The following PLD5 variants were observed in gnomAD, a reference collection of about 807,000 sequenced individuals.
PLD5 encodes the protein phospholipase D family member 5, also known as inactive phospholipase D5.
A neutral mutation model predicts 61.1 loss-of-function variants in PLD5; 36 were observed. The ratio of observed to expected loss-of-function variants is 0.59; its 90% CI spans 0.45 to 0.78. The LOEUF is 0.78. PLD5 is among the 30% of genes least tolerant of loss of function. PLD5 has a pLI of 0.00. For missense variants in PLD5, 515 were observed against 644.4 expected (o/e 0.80, Z 2.17); for synonymous variants, 243 against 242.8 (o/e 1.00, Z -0.01).
At position 242,207,902 on chromosome 1, in the gene PLD5, A is replaced by ATT. The variant is rs1553324950; in HGVS notation, c.735+12084_735+12085dup. Among the ~76,000 whole-genome samples, 28 of 21,076 alleles carry ATT rather than the reference A, an allele frequency of 1.3e-3. 4 individuals carry two copies. Among genetic ancestry groups the ATT allele is most frequent in the African/African-American group, 5.0e-3 (20 of 3,984 alleles). 13.8% of individuals were successfully genotyped at this position (21,076 alleles called of 152,430 possible). ...TTTATATATTTATATATATTTATAT[A>ATT]TTTATATATATTTATATATTTATAT... On this transcript the variant is annotated intron_variant, in intron 5 of 9. Transcript: ENST00000536534.
intron 4 of PLD5, among the ~76,000 whole-genome samples, chr1:242,241,709 G>C (rs563970914): frequency 1.6e-4 from 24 of 151,560 alleles, no homozygotes; most frequent in African/African-American, 5.1e-4. Context: ...TGAGGTACAG[G>C]CTTCTCCATC....
chr1:242,397,235 C>G (rs576996906), intron 1 of PLD5, among the ~76,000 whole-genome samples: 1 of 152,090 alleles, frequency 6.6e-6, no homozygotes, highest in African/African-American at 2.4e-5. Flanking sequence ...AAATGGGTAT[C>G]TACTAGACAC....
intron 1 of PLD5, among the ~76,000 whole-genome samples, chr1:242,488,679 C>T (rs1460142140): frequency 6.6e-6 from 1 of 152,082 alleles, no homozygotes; most frequent in Non-Finnish European, 1.5e-5. Flanking sequence ...ACATATTTGC[C>T]AAAACCCATG....
chr1:242,492,361 AAAT>A (rs1386341144), intron 1 of PLD5, among the ~76,000 whole-genome samples: 1 of 151,794 alleles, frequency 6.6e-6, no homozygotes, highest in Non-Finnish European at 1.5e-5. Flanking sequence ...AAAAAAAAAC[AAAT>A]ACTAAAAATT....
chr1:242,300,744 TTG>T (rs1675989436), intron 2 of PLD5, among the ~76,000 whole-genome samples: 1 of 4,826 alleles, frequency 2.1e-4, no homozygotes, highest in Non-Finnish European at 9.1e-4. Flanking sequence ...CAGAAATGGG[TTG>T]CAGCGGGACA....
chr1:242,289,721 C>T (rs1397851780), intron 2 of PLD5, among the ~76,000 whole-genome samples: 1 of 152,122 alleles, frequency 6.6e-6, no homozygotes, highest in Non-Finnish European at 1.5e-5. Flanking sequence ...TCCAGAACAC[C>T]GATTTGCATT....
intron 4 of PLD5, among the ~76,000 whole-genome samples, chr1:242,238,740 A>G (rs1671803435): frequency 6.6e-6 from 1 of 152,218 alleles, no homozygotes; most frequent in African/African-American, 2.4e-5. Flanking sequence ...AGACATGAGC[A>G]AGTGTAGAAG....
In PLD5 at chr1:242,445,522, A is replaced by G. The variant is rs369689877; in HGVS notation, c.189+78566T>C. On this transcript the variant is annotated intron_variant, in intron 1 of 9. Transcript: ENST00000536534. ...ACACTGAGCTAATTTTTGTATTTTTATTAGAGACGGGGTTTCACCATGTTG... is the reference window on the plus strand; with the variant it reads ...ACACTGAGCTAATTTTTGTATTTTTGTTAGAGACGGGGTTTCACCATGTTG... Among the ~76,000 whole-genome samples, 4 of 152,102 alleles carry G rather than the reference A, an allele frequency of 2.6e-5. No individual in the cohort carries two copies. The East Asian group carries it at 5.8e-4, about 22-fold the overall frequency.
At chr1:242,371,024 G>A (rs868241402) in intron 1 of PLD5, among the ~76,000 whole-genome samples, 1 of 152,096 alleles carries the variant, frequency 6.6e-6, no homozygotes, top group Non-Finnish European at 1.5e-5. Flanking sequence ...CACTGCAAAG[G>A]TTGGTATTTC....
chr1:242,517,080 T>G (rs1572279786), intron 1 of PLD5, among the ~76,000 whole-genome samples: 1 of 152,262 alleles, frequency 6.6e-6, no homozygotes, highest in African/African-American at 2.4e-5. Context: ...ACAGTATTAA[T>G]TCATTAAGTA....
In PLD5 at chr1:242,256,747, CATCTATCTATCTATCT is replaced by C. The variant is rs71570946; in HGVS notation, c.607+8574_607+8589del. On this transcript the variant is annotated intron_variant, in intron 4 of 9. Transcript: ENST00000536534. This position sits in a 1 kb window ranked among gnomAD's most constrained non-coding sequence, Gnocchi z 5.7. ...AGCAGCACAAATGAACTAAGACTAT[CATCTATCTATCTATCT>C]ATCTATCTATCTATCTATCTATCTA... Among the ~76,000 whole-genome samples, 2,889 of 148,322 alleles carry C rather than the reference CATCTATCTATCTATCT, an allele frequency of 0.019. 71 individuals carry two copies. Among genetic ancestry groups the C allele is most frequent in the African/African-American group, 0.053 (2,135 of 40,250 alleles).
chr1:242,403,880 C>T (rs1038102475), intron 1 of PLD5, among the ~76,000 whole-genome samples: 1 of 151,834 alleles, frequency 6.6e-6, no homozygotes, highest in Non-Finnish European at 1.5e-5. Flanking sequence ...TGAGTTTGAA[C>T]TAGATGAACT....
rs1344058456 is a variant in PLD5, at chr1:242,084,814, T to C, written c.*5040A>G. On this transcript the variant is annotated 3_prime_UTR_variant, in exon 10 of 10. Transcript: ENST00000536534. Reference sequence around the variant, plus strand: ...ATAGGTATAGTGTTTCAAAGATGCCTCCTTGTGTGAATATACAAAACAGTG... The same window carrying C: ...ATAGGTATAGTGTTTCAAAGATGCCCCCTTGTGTGAATATACAAAACAGTG... The C allele has an allele frequency of 7.2e-6, 1 of 138,278 alleles. No individual in the cohort carries two copies. The highest frequency in any genetic ancestry group is 1.5e-5 in the Non-Finnish European group (1 of 65,002). 8.6% of individuals were successfully genotyped at this position (138,278 alleles called of 1,614,324 possible).
intron 4 of PLD5, among the ~76,000 whole-genome samples, chr1:242,259,270 G>A (rs2489523): frequency 0.56 from 84,263 of 150,536 alleles, 24,471 homozygotes; most frequent in East Asian, 0.77. Flanking sequence ...TATAGTGCCA[G>A]TGTACTACAG....
intron 1 of PLD5, among the ~76,000 whole-genome samples, chr1:242,514,792 G>A (rs1483122400): frequency 1.3e-5 from 2 of 152,064 alleles, no homozygotes; most frequent in Non-Finnish European, 2.9e-5. Context: ...AGATGGGGAG[G>A]TGAGGAGAGG....
intron 5 of PLD5, among the ~76,000 whole-genome samples, chr1:242,193,700 C>T (rs1239724634): frequency 1.3e-5 from 2 of 152,178 alleles, no homozygotes; most frequent in Non-Finnish European, 2.9e-5. Context: ...GGAGCAGTTG[C>T]CTTGGTTTAG....
At chr1:242,163,775 GGAAGAAAGGA>G (rs1453810706) in intron 5 of PLD5, among the ~76,000 whole-genome samples, 1 of 152,036 alleles carries the variant, frequency 6.6e-6, no homozygotes, top group African/African-American at 2.4e-5. Context: ...GAAATGGAAA[GGAAGAAAGGA>G]GAAGAGAAGA....
chr1:242,270,782 GGA>G (rs1674017596), intron 3 of PLD5, among the ~76,000 whole-genome samples: 1 of 152,174 alleles, frequency 6.6e-6, no homozygotes, highest in Non-Finnish European at 1.5e-5. Context: ...GTATATGAGG[GGA>G]GAGGCCTCCT....
chr1:242,346,018 C>A (rs1483992264), intron 2 of PLD5, among the ~76,000 whole-genome samples: 2 of 100,910 alleles, frequency 2.0e-5, no homozygotes, highest in East Asian at 3.5e-4. Context: ...AGATCTCCCC[C>A]CCCCCCATAT....
Sources: allele counts gnomAD v4.1 joint callset (sites outside exome capture counted in the v4.1 genomes callset), GRCh38; gene constraint gnomAD v4.1.1; non-coding constraint Gnocchi (gnomAD v3.1); transcripts MANE v1.5; gene names NCBI Gene and HGNC (gene_info 2026-07-23, HGNC 2026-07-21).